Variants in CCDC39 observed in about 807,000 individuals in gnomAD.
The protein encoded by CCDC39 is coiled-coil domain 39 molecular ruler complex subunit.
CCDC39 carries 113 observed loss-of-function variants against 121.0 expected under a neutral mutation model. The observed-to-expected ratio is 0.93, with a 90% CI of 0.80 to 1.09. CCDC39 has a LOEUF of 1.09. Ranked by LOEUF, CCDC39 falls within the 50% of genes least tolerant of loss-of-function variation. The pLI is 0.00. For synonymous variants in CCDC39, 349 were observed against 352.2 expected (o/e 0.99, Z 0.10); for missense variants, 1,063 against 1,074.7 (o/e 0.99, Z 0.15).
chr3:180,673,185 T>C lies in CCDC39; in HGVS notation c.90+6106A>G, dbSNP rs1712097595. On this transcript the variant is annotated intron_variant, in intron 1 of 19. Coordinates refer to ENST00000476379, the MANE Select transcript of CCDC39 (RefSeq NM_181426.2). ...TGTTGAAATTACAAGGAATTTAGAA[T>C]ATTACATAAGCTTATTTGATAAAGC... Among the ~76,000 whole-genome samples, 5 of 152,360 alleles carry C rather than the reference T, an allele frequency of 3.3e-5. No homozygotes were observed. The South Asian group carries it at 1.0e-3, about 32-fold the overall frequency.
chr3:180,647,047 T>G, intron 11 of CCDC39, 32 bp downstream of exon 11: 1 of 1,590,074 alleles, frequency 6.3e-7, no homozygotes, highest in Non-Finnish European at 8.5e-7. Flanking sequence ...ACTAGGATAT[T>G]TGAAATATAA....
chr3:180,652,442 A>C (rs1711505278), intron 7 of CCDC39, among the ~76,000 whole-genome samples, 176 bp from the exon 8 acceptor site: 2 of 152,172 alleles, frequency 1.3e-5, no homozygotes, highest in Admixed American at 1.3e-4. Flanking sequence ...CTGCTATCAA[A>C]TTTTAATTGG....
intron 7 of CCDC39, 49 bp downstream of exon 7, chr3:180,654,713 T>G (rs759808793): frequency 7.9e-7 from 1 of 1,258,918 alleles, no homozygotes; most frequent in Non-Finnish European, 1.1e-6. Flanking sequence ...TTATATTTTA[T>G]AGTGATTTGT....
intron 14 of CCDC39, among the ~76,000 whole-genome samples, chr3:180,621,376 A>G (rs902447944): frequency 1.2e-4 from 18 of 152,096 alleles, no homozygotes; most frequent in African/African-American, 4.3e-4. Context: ...TTACATTCCC[A>G]CCAACAGTGT....
In CCDC39 at chr3:180,660,671, C is replaced by A. The variant is rs374858269; in HGVS notation, c.415G>T (p.Asp139Tyr). The change falls in exon 4 of 20, where the codon GAC becomes TAC. Residue 139 changes from aspartate (D) to tyrosine (Y), a missense_variant. Asp to Tyr is a radical substitution (Grantham distance 160). Transcript: ENST00000476379. ...LDGLKCQMNW[D>Y]QQALEAWLEE... ...AACCAGGCCTCCAATGCTTGCTGGTCCCAGTTCATTTGACATTTCAAACCA... is the reference window on the plus strand; with the variant it reads ...AACCAGGCCTCCAATGCTTGCTGGTACCAGTTCATTTGACATTTCAAACCA... 3.1e-6 allele frequency: 5 copies of A among 1,602,896 alleles called. No individual in the cohort carries two copies. In the East Asian group the frequency reaches 1.1e-4, roughly 36 times the overall value.
chr3:180,672,955 G>T (rs2108435319), intron 1 of CCDC39, among the ~76,000 whole-genome samples: 1 of 152,250 alleles, frequency 6.6e-6, no homozygotes, highest in African/African-American at 2.4e-5. Flanking sequence ...GAGTTTGAGA[G>T]GTTCAAGACT....
In CCDC39 at chr3:180,617,783, T is replaced by A. The variant is rs568018751; in HGVS notation, c.2266-817A>T. 2.3e-5 allele frequency: 7 copies of A among 303,830 alleles called. No individual in the cohort carries two copies. In the South Asian group the frequency reaches 9.4e-4, roughly 41 times the overall value. The allele number at this position is 303,830 out of a possible 1,614,324, so 18.8% of individuals were successfully genotyped here. On this transcript the variant is annotated intron_variant, in intron 16 of 19. Coordinates refer to ENST00000476379, the MANE Select transcript of CCDC39 (RefSeq NM_181426.2). The stretch of plus-strand genomic sequence containing the variant: ...GTTAAAAAGCTCTAGGAAGCTAAGG[T>A]CAATTTATTATTGGAGAAATAAAAT...
At chr3:180,635,619 A>G (rs1717806603) in intron 13 of CCDC39, among the ~76,000 whole-genome samples, 1 of 152,100 alleles carries the variant, frequency 6.6e-6, no homozygotes, top group Admixed American at 6.5e-5. Context: ...CTCCAGAATA[A>G]TCTCCTTTTA....
chr3:180,644,279 T>C (rs1023385797), intron 11 of CCDC39, 22 bp from the exon 12 acceptor site: 2 of 1,424,878 alleles, frequency 1.4e-6, no homozygotes, highest in Non-Finnish European at 1.9e-6. Flanking sequence ...AAAAAAGGTA[T>C]ATAAATGTAT....
intron 13 of CCDC39, among the ~76,000 whole-genome samples, chr3:180,640,401 T>C (rs1717929207): frequency 6.6e-6 from 1 of 151,546 alleles, no homozygotes; most frequent in Non-Finnish European, 1.5e-5. Flanking sequence ...TTTAGGAAAA[T>C]AACATTTAAA....
intron 6 of CCDC39, among the ~76,000 whole-genome samples, chr3:180,656,719 C>G (rs1711589024): frequency 6.9e-6 from 1 of 144,000 alleles, no homozygotes; most frequent in African/African-American, 2.6e-5. Context: ...GTAAAGAAAC[C>G]AGCTAAAACC....
chr3:180,660,502 T>C (rs1711715333), intron 4 of CCDC39, 68 bp downstream of exon 4: 1 of 1,341,706 alleles, frequency 7.5e-7, no homozygotes, highest in African/African-American at 1.5e-5. Context: ...AAGTATAACT[T>C]TAGGTAAATA....
intron 9 of CCDC39, among the ~76,000 whole-genome samples, chr3:180,649,382 T>C (rs1718146000): frequency 6.6e-6 from 1 of 152,210 alleles, no homozygotes; most frequent in South Asian, 2.1e-4. Flanking sequence ...AATGCTGAAA[T>C]AATTTGCCTA....
chr3:180,617,362 A>G, intron 16 of CCDC39: 2 of 566,102 alleles, frequency 3.5e-6, no homozygotes, highest in South Asian at 5.6e-5. Context: ...TATACAATAT[A>G]CTTTTATTAT....
chr3:180,616,491 T>C lies in CCDC39; in HGVS notation c.2586+25A>G, dbSNP rs1162535510. 4 of 1,510,402 alleles carry C rather than the reference T, an allele frequency of 2.6e-6. No homozygotes were observed. In the African/African-American group the frequency reaches 5.6e-5, roughly 21 times the overall value. The allele number at this position is 1,510,402 out of a possible 1,614,324, so 93.6% of individuals were successfully genotyped here. ...TTATTTTCATGAAGTTTTTAAGAAA[T>C]ATTTAATAGAAGGTGCTGTATTACC... On this transcript the variant is annotated intron_variant, in intron 18 of 19. Coordinates refer to ENST00000476379, the MANE Select transcript of CCDC39 (RefSeq NM_181426.2).
intron 9 of CCDC39, among the ~76,000 whole-genome samples, chr3:180,648,563 C>T (rs1009367121): frequency 3.9e-5 from 6 of 152,150 alleles, no homozygotes; most frequent in African/African-American, 1.2e-4. Context: ...GTAGCTTTTA[C>T]GCCCGTGTCA....
chr3:180,676,451 T>C (rs1417349401), intron 1 of CCDC39, among the ~76,000 whole-genome samples: 4 of 152,230 alleles, frequency 2.6e-5, no homozygotes, highest in Non-Finnish European at 5.9e-5. Context: ...AGATATCATC[T>C]CACACCAGTT....
At chr3:180,677,153 ATAATAATAATAATTTTATATATAT>A (rs1195423901) in intron 1 of CCDC39, among the ~76,000 whole-genome samples, 43 of 109,188 alleles carry the variant, frequency 3.9e-4, no homozygotes, top group African/African-American at 1.7e-3. Context: ...TATAATAATA[ATAATAATAATAATTTTATATATAT>A]ATATATATAT....
At position 180,631,576 on chromosome 3, in the gene CCDC39, G is replaced by A. The variant is rs771245122; in HGVS notation, c.1891C>T (p.Arg631Trp). 1.3e-5 allele frequency: 21 copies of A among 1,606,712 alleles called. No homozygotes were observed. The highest frequency in any genetic ancestry group is 1.6e-4 in the Middle Eastern group (1 of 6,080). Residue 631 changes from arginine (R) to tryptophan (W), a missense_variant, in exon 14 of 20, where the codon CGG becomes TGG. By Grantham distance (101) the Arg-to-Trp change is moderately radical. Transcript: ENST00000476379. ...TTCAGCTTCTCAATTTTACTTAGCC[G>A]CTCGCGAAACTCAGTGCTAATAAGA... ...RENISTEFRE[R>W]LSKIEKLKNR...
Sources: gnomAD v4.1 joint callset for allele counts (sites outside exome capture counted in the v4.1 genomes callset) on GRCh38, gnomAD v4.1.1 for gene constraint, MANE v1.5 for transcripts, NCBI Gene and HGNC (gene_info 2026-07-23, HGNC 2026-07-21) for gene names.